Variants in ABCA5 observed in about 807,000 individuals in gnomAD.
ABCA5 encodes ATP binding cassette subfamily A member 5, also known as cholesterol transporter ABCA5.
In ABCA5, 163 loss-of-function variants were observed where a neutral mutation model predicts 206.0. That is an observed-to-expected ratio of 0.79 (90% CI 0.70 to 0.90). The LOEUF (loss-of-function observed/expected upper bound fraction) is 0.90, where lower values mean the gene tolerates loss of function less well. Ranked by LOEUF, ABCA5 falls within the 40% of genes least tolerant of loss-of-function variation. The probability of loss-of-function intolerance (pLI) is 0.00; values close to 1 mark genes in which losing one functional copy is unlikely to be tolerated. For missense variants in ABCA5, 1,859 were observed against 1,912.9 expected (o/e 0.97, Z 0.53); for synonymous variants, 609 against 613.8 (o/e 0.99, Z 0.11).
intron 24 of ABCA5, among the ~76,000 whole-genome samples, chr17:69,262,828 G>A (rs956466084): frequency 1.1e-4 from 16 of 152,188 alleles, no homozygotes; most frequent in South Asian, 6.2e-4. Context: ...GGCTGCTGAA[G>A]TTTACATTCC....
At chr17:69,300,639 C>T (rs138285217) in intron 9 of ABCA5, among the ~76,000 whole-genome samples, 7 of 152,276 alleles carry the variant, frequency 4.6e-5, no homozygotes, top group African/African-American at 1.7e-4. Flanking sequence ...AAAAGCCACA[C>T]ATGGCTAGTA....
At chr17:69,258,555 G>C (rs1393465881) in intron 28 of ABCA5, among the ~76,000 whole-genome samples, 1 of 152,078 alleles carries the variant, frequency 6.6e-6, no homozygotes, top group African/African-American at 2.4e-5. Flanking sequence ...ACTCCAAAAG[G>C]GGGTGGGGAT....
intron 32 of ABCA5, 34 bp downstream of exon 32, chr17:69,254,281 A>T: frequency 6.5e-7 from 1 of 1,531,910 alleles, no homozygotes; most frequent in South Asian, 1.3e-5. Context: ...CTTTCCTCTA[A>T]GTAACAAAAG....
At position 69,255,721 on chromosome 17, in the gene ABCA5, T is replaced by A. The variant is rs759254633; in HGVS notation, c.3976+12A>T. 4.5e-5 allele frequency: 71 copies of A among 1,580,114 alleles called. No individual in the cohort carries two copies. In the Middle Eastern group the frequency reaches 1.7e-3, roughly 37 times the overall value. ...TCTAGAAAAGTTATGTAAGGAAAAA[T>A]TAAATACCAGCCTTTTTTCACACAG... On this transcript the variant is annotated intron_variant, in intron 30 of 38. Transcript: ENST00000392676.
At chr17:69,283,543 C>T (rs1052938763) in intron 18 of ABCA5, among the ~76,000 whole-genome samples, 4 of 152,214 alleles carry the variant, frequency 2.6e-5, no homozygotes, top group Non-Finnish European at 5.9e-5. Context: ...TGAGTATCCT[C>T]CTGACTTTGC....
intron 20 of ABCA5, 42 bp downstream of exon 20, chr17:69,273,917 C>G: frequency 6.4e-7 from 1 of 1,556,814 alleles, no homozygotes; most frequent in Non-Finnish European, 8.7e-7. Context: ...CAACCCCATG[C>G]TCCATGCCAA....
At chr17:69,298,516 T>C (rs372080631) in intron 9 of ABCA5, among the ~76,000 whole-genome samples, 18 of 152,192 alleles carry the variant, frequency 1.2e-4, no homozygotes, top group Non-Finnish European at 1.6e-4. Flanking sequence ...AGGATTCCAA[T>C]TGATTTTATC....
At chr17:69,293,396 CCTT>C (rs1193124930) in intron 11 of ABCA5, among the ~76,000 whole-genome samples, 1 of 152,054 alleles carries the variant, frequency 6.6e-6, no homozygotes, top group Non-Finnish European at 1.5e-5. Context: ...AGGCAGAACT[CCTT>C]CTCTCTTTGG....
At chr17:69,308,025 G>A (rs1203696200) in intron 5 of ABCA5, among the ~76,000 whole-genome samples, 1 of 152,078 alleles carries the variant, frequency 6.6e-6, no homozygotes, top group Non-Finnish European at 1.5e-5. Context: ...TTCATCTACT[G>A]TTATCTAGCC....
At chr17:69,251,994 T>A in intron 34 of ABCA5, 128 bp from the exon 35 acceptor site, 2 of 821,640 alleles carry the variant, frequency 2.4e-6, no homozygotes, top group Non-Finnish European at 3.7e-6. Context: ...TTGCTATGGC[T>A]ATTACATCCT....
chr17:69,299,619 T>A (rs2075630195), intron 9 of ABCA5, among the ~76,000 whole-genome samples: 1 of 151,988 alleles, frequency 6.6e-6, no homozygotes, highest in Admixed American at 6.5e-5. Flanking sequence ...AAATATTGTA[T>A]GTTCTCACTC....
At chr17:69,259,613 T>G in intron 28 of ABCA5, 93 bp downstream of exon 28, 1 of 818,470 alleles carries the variant, frequency 1.2e-6, no homozygotes, top group South Asian at 2.1e-5. Context: ...CTTTTTGGAG[T>G]GCTGGAAATG....
At chr17:69,303,759 TA>T (rs1176172773) in intron 7 of ABCA5, among the ~76,000 whole-genome samples, 14 of 2,456 alleles carry the variant, frequency 5.7e-3, no homozygotes, top group African/African-American at 8.4e-3. Flanking sequence ...ACCTCGACTC[TA>T]AAAAAAAAAA....
intron 35 of ABCA5, 155 bp downstream of exon 35, chr17:69,251,592 T>A: frequency 1.0e-6 from 1 of 986,036 alleles, no homozygotes; most frequent in Non-Finnish European, 1.4e-6. Flanking sequence ...TTTAAAAAAC[T>A]CAACATACTT....
intron 36 of ABCA5, 65 bp from the exon 37 acceptor site, chr17:69,250,049 G>T: frequency 2.0e-6 from 2 of 990,420 alleles, no homozygotes; most frequent in South Asian, 2.5e-5. Context: ...TAAAGCTAAA[G>T]TTCAACATGT....
intron 5 of ABCA5, among the ~76,000 whole-genome samples, chr17:69,307,742 C>T (rs923032847): frequency 3.3e-5 from 5 of 152,076 alleles, no homozygotes; most frequent in African/African-American, 4.8e-5. Context: ...TTATAATAGT[C>T]ATTTTACTAC....
intron 10 of ABCA5, among the ~76,000 whole-genome samples, chr17:69,295,538 C>T (rs958103111): frequency 4.6e-5 from 7 of 152,092 alleles, no homozygotes; most frequent in Non-Finnish European, 8.8e-5. Context: ...GAAGGTGCTA[C>T]AAAATTATTG....
chr17:69,298,350 A>AAGGATGGAAGGAAGGAAG (rs1228360629), intron 9 of ABCA5, among the ~76,000 whole-genome samples: 1 of 103,880 alleles, frequency 9.6e-6, no homozygotes, highest in Admixed American at 1.0e-4. Flanking sequence ...AAGGAAGGAA[A>AAGGATGGAAGGAAGGAAG]GAAGGAAAGA....
At chr17:69,320,770 G>C (rs1465901060) in intron 1 of ABCA5, among the ~76,000 whole-genome samples, 1 of 152,160 alleles carries the variant, frequency 6.6e-6, no homozygotes, top group Non-Finnish European at 1.5e-5. Flanking sequence ...CAACCTGCCA[G>C]TCCACAGTGT....
Sources: allele counts gnomAD v4.1 joint callset (sites outside exome capture counted in the v4.1 genomes callset), GRCh38; gene constraint gnomAD v4.1.1; transcripts MANE v1.5; gene names NCBI Gene and HGNC (gene_info 2026-07-23, HGNC 2026-07-21).